PTK2B: variants seen among roughly 807,000 people sequenced by gnomAD.
The protein encoded by PTK2B is protein tyrosine kinase 2 beta.
Under a neutral mutation model 142.9 loss-of-function variants are expected in PTK2B, and 71 were observed. That is an observed-to-expected ratio of 0.50 (90% CI 0.41 to 0.61). The LOEUF is 0.61. Ranked by LOEUF, PTK2B falls within the 20% of genes least tolerant of loss-of-function variation. The pLI, the probability that PTK2B is intolerant of heterozygous loss-of-function variation, is 0.00. For missense variants in PTK2B, 1,105 were observed against 1,320.4 expected (o/e 0.84, Z 2.53); for synonymous variants, 519 against 503.4 (o/e 1.03, Z -0.42).
intron 1 of PTK2B, among the ~76,000 whole-genome samples, chr8:27,387,855 A>G (rs538360776): frequency 2.7e-5 from 4 of 149,428 alleles, no homozygotes; most frequent in Non-Finnish European, 5.9e-5. Flanking sequence ...AGAATGGCTC[A>G]TTTATCCCAC....
At chr8:27,316,257 T>G (rs975158404) in intron 3 of PTK2B, among the ~76,000 whole-genome samples, 2 of 151,752 alleles carry the variant, frequency 1.3e-5, no homozygotes, top group African/African-American at 4.8e-5. Context: ...AGAAAATAAA[T>G]TCCCAGGTGC....
chr8:27,380,984 C>G (rs537604077), intron 1 of PTK2B, among the ~76,000 whole-genome samples: 30 of 152,298 alleles, frequency 2.0e-4, no homozygotes, highest in Admixed American at 5.9e-4. Flanking sequence ...AGCATGGTGA[C>G]TGTACCTAAG....
intron 27 of PTK2B, 75 bp downstream of exon 27, chr8:27,451,584 C>A: frequency 6.2e-7 from 1 of 1,610,742 alleles, no homozygotes; most frequent in East Asian, 2.2e-5. Flanking sequence ...GCCCACCGCC[C>A]AGGGCAGGGA....
intron 2 of PTK2B, among the ~76,000 whole-genome samples, chr8:27,403,548 A>G (rs1808504830): frequency 6.6e-6 from 1 of 152,080 alleles, no homozygotes; most frequent in Non-Finnish European, 1.5e-5. Context: ...TGGATTTTCT[A>G]TTTCCTTTTT....
chr8:27,311,397 G>GAGA, upstream of PTK2B: 1 of 940,534 alleles, frequency 1.1e-6, no homozygotes, highest in South Asian at 1.8e-5. Flanking sequence ...GGATGGCGAG[G>GAGA]GGGAGGGAGG....
intron 1 of PTK2B, among the ~76,000 whole-genome samples, chr8:27,373,181 C>A (rs908322465): frequency 1.3e-5 from 2 of 152,140 alleles, no homozygotes; most frequent in Non-Finnish European, 2.9e-5. Flanking sequence ...AGGGTCCTGC[C>A]CCTGCCACAG....
At chr8:27,437,930 A>G (rs1251978104) in intron 18 of PTK2B, 50 bp downstream of exon 18, 2 of 1,458,930 alleles carry the variant, frequency 1.4e-6, no homozygotes, top group South Asian at 1.2e-5. Context: ...CCTTCACCAG[A>G]TCCTCAAGGC....
In PTK2B at chr8:27,455,431, C is replaced by T. The variant is rs114862255; in HGVS notation, c.2814+820C>T. On this transcript the variant is annotated intron_variant, in intron 30 of 30. Transcript: ENST00000346049. The stretch of plus-strand genomic sequence containing the variant: ...GGGCGTGGTGGCCTGTGCCTATAGT[C>T]CCAGCTGCTCAGAAGGCTGAGGTGA... Among the ~76,000 whole-genome samples, 1,386 of 152,266 alleles carry T rather than the reference C, an allele frequency of 9.1e-3. 24 individuals are homozygous for T. Among genetic ancestry groups the T allele is most frequent in the African/African-American group, 0.032 (1,333 of 41,564 alleles).
intron 28 of PTK2B, among the ~76,000 whole-genome samples, chr8:27,453,631 G>A (rs1424441403): frequency 6.6e-6 from 1 of 152,212 alleles, no homozygotes; most frequent in Admixed American, 6.5e-5. Flanking sequence ...TGTAATCCCA[G>A]CACTCTGGGA....
intron 1 of PTK2B, among the ~76,000 whole-genome samples, chr8:27,330,499 G>A (rs986622507): frequency 6.6e-6 from 1 of 152,138 alleles, no homozygotes; most frequent in Non-Finnish European, 1.5e-5. Flanking sequence ...GACTGTCTAC[G>A]AATGCCCAGC....
At chr8:27,451,176 T>A in intron 26 of PTK2B, 98 bp downstream of exon 26, 1 of 1,386,770 alleles carries the variant, frequency 7.2e-7, no homozygotes, top group Non-Finnish European at 1.0e-6. Context: ...CCCCCAGGCC[T>A]GCCCAGCTCC....
In PTK2B at chr8:27,434,115, G is replaced by C; in HGVS notation, c.1128G>C (p.Leu376=). 3 of 1,614,110 alleles carry C rather than the reference G, an allele frequency of 1.9e-6. No homozygotes were observed. The highest frequency in any genetic ancestry group is 2.5e-6 in the Non-Finnish European group (3 of 1,180,000). The change falls in exon 12 of 31, where the codon CTG becomes CTC. Residue 376 remains leucine, a synonymous_variant. Coordinates refer to ENST00000346049, the MANE Select transcript of PTK2B (RefSeq NM_173176.3). ...PRKDGEKRNS[L]PQIPMLNLEA... ...TAGATGGTGAGAAGCGGAACAGCCT[G>C]CCCCAGATCCCCATGCTGTGAGTAC...
upstream of PTK2B, chr8:27,325,216 C>G (rs1365033227): frequency 6.6e-6 from 1 of 152,202 alleles, no homozygotes; most frequent in Non-Finnish European, 1.5e-5. Flanking sequence ...GCCCGCCCTG[C>G]GCCCCCACCC....
At chr8:27,385,618 C>T (rs1474356899) in intron 1 of PTK2B, among the ~76,000 whole-genome samples, 1 of 152,106 alleles carries the variant, frequency 6.6e-6, no homozygotes, top group Non-Finnish European at 1.5e-5. Context: ...CAGGGCCGGG[C>T]GCGATGGCCC....
intron 1 of PTK2B, among the ~76,000 whole-genome samples, chr8:27,331,990 T>C (rs1002810429): frequency 2.6e-5 from 4 of 152,164 alleles, no homozygotes; most frequent in African/African-American, 9.7e-5. Context: ...CTGCTGCACT[T>C]TGCACCTCTG....
chr8:27,432,256 A>C lies in PTK2B; in HGVS notation c.886-4A>C, dbSNP rs187929803. On this transcript the variant is annotated splice_region_variant and splice_polypyrimidine_tract_variant and intron_variant, in intron 9 of 30. Coordinates refer to ENST00000346049, the MANE Select transcript of PTK2B (RefSeq NM_173176.3). ...GTCTGAAGCTCCCCCTTCTTTTCCC[A>C]CAGCCCACCTGCCTGGCCGAGTTCA... is the stretch of plus-strand genomic sequence containing the variant. The C allele has an allele frequency of 3.1e-6, 5 of 1,613,544 alleles. No individual in the cohort carries two copies. The East Asian group carries it at 6.7e-5, about 22-fold the overall frequency.
intron 1 of PTK2B, among the ~76,000 whole-genome samples, chr8:27,341,209 A>T (rs1384887014): frequency 6.6e-6 from 1 of 152,174 alleles, no homozygotes; most frequent in Non-Finnish European, 1.5e-5. Context: ...TGCCTGGCAC[A>T]TGTTTTCTTG....
intron 1 of PTK2B, among the ~76,000 whole-genome samples, chr8:27,389,331 A>C (rs56085315): frequency 0.41 from 62,506 of 151,878 alleles, 13,241 homozygotes; most frequent in South Asian, 0.52. Flanking sequence ...GAGGGAAGAC[A>C]GGAAGACACT....
At chr8:27,359,767 T>C (rs1460409140) in intron 1 of PTK2B, among the ~76,000 whole-genome samples, 1 of 152,196 alleles carries the variant, frequency 6.6e-6, no homozygotes, top group African/African-American at 2.4e-5. Context: ...CTTTCTTTCC[T>C]GGGACCCAGA....
Sources: allele counts gnomAD v4.1 joint callset (sites outside exome capture counted in the v4.1 genomes callset), GRCh38; gene constraint gnomAD v4.1.1; transcripts MANE v1.5; gene names NCBI Gene and HGNC (gene_info 2026-07-23, HGNC 2026-07-21).